MAST3: variants seen among roughly 807,000 people sequenced by gnomAD.
MAST3 encodes the protein microtubule associated serine/threonine kinase 3.
MAST3 carries 43 observed loss-of-function variants against 127.0 expected under a neutral mutation model. That is an observed-to-expected ratio of 0.34 (90% CI 0.27 to 0.44). MAST3 has a LOEUF of 0.44. MAST3 is among the 20% of genes least tolerant of loss of function. The pLI is 1.00. For missense variants in MAST3, 1,390 were observed against 1,919.1 expected (o/e 0.72, Z 5.15); for synonymous variants, 785 against 809.2 (o/e 0.97, Z 0.51).
At position 18,151,258 on chromosome 19, in the gene MAST3, CT is replaced by C. The variant is rs912239188; in HGVS notation, c.*1536del. On this transcript the variant is annotated 3_prime_UTR_variant, in exon 28 of 28. Coordinates refer to ENST00000687212, the MANE Select transcript of MAST3 (RefSeq NM_001393504.1). ...TTAAGCACCTACTGTGTGCCAAGCG[CT>C]TTTACGTGGCTTCTCCCTCAGCCAG... 3 of 152,160 alleles carry C rather than the reference CT, an allele frequency of 2.0e-5. No individual in the cohort carries two copies. Among genetic ancestry groups the C allele is most frequent in the African/African-American group, 7.2e-5 (3 of 41,424 alleles). The allele number at this position is 152,160 out of a possible 1,614,324, so 9.4% of individuals were successfully genotyped here. A position where few individuals can be genotyped will look rare whatever the true frequency, so the allele number is the denominator to read the frequency against.
chr19:18,146,819 G>A (rs1245412920), intron 25 of MAST3, 62 bp from the exon 26 acceptor site: 1 of 1,472,216 alleles, frequency 6.8e-7, no homozygotes, highest in Non-Finnish European at 9.1e-7. Flanking sequence ...CATAGCAGCT[G>A]CCTGGCAAGT....
intron 11 of MAST3, 91 bp from the exon 12 acceptor site, chr19:18,128,308 TG>T: frequency 2.0e-6 from 2 of 1,009,380 alleles, no homozygotes; most frequent in Non-Finnish European, 2.9e-6. Context: ...ATCCCCAGCC[TG>T]GGGTGAGAAC....
chr19:18,132,077 G>T (rs777482317), intron 15 of MAST3, 30 bp downstream of exon 15: 2 of 1,612,236 alleles, frequency 1.2e-6, no homozygotes, highest in Middle Eastern at 3.3e-4. Flanking sequence ...GCGGGGCCTC[G>T]CGGAGGGCGG....
intron 3 of MAST3, among the ~76,000 whole-genome samples, chr19:18,117,329 T>G (rs1367931137): frequency 1.3e-5 from 2 of 152,208 alleles, no homozygotes; most frequent in African/African-American, 4.8e-5. Context: ...CAGTTCAGTT[T>G]TCCTCCAATT....
chr19:18,130,585 C>T lies in MAST3; in HGVS notation c.1315C>T (p.Gln439Ter). 6.2e-7 allele frequency: 1 copy of T among 1,613,594 alleles called. No homozygotes were observed. The highest frequency in any genetic ancestry group is 8.5e-7 in the Non-Finnish European group (1 of 1,179,734). Reference sequence around the variant, plus strand: ...GAACTTGATCCTGCGTAACCAGATCCAGCAGGTCTTTGTGGAGCGTGACAT... The same window carrying T: ...GAACTTGATCCTGCGTAACCAGATCTAGCAGGTCTTTGTGGAGCGTGACAT... ...KQNLILRNQI[Q>*]QVFVERDILT... The change falls in exon 14 of 28, where the codon CAG becomes TAG. Residue 439 changes from glutamine (Q) to a stop codon, truncating the protein, a stop_gained. Transcript: ENST00000687212. LOFTEE classifies it high-confidence loss of function.
chr19:18,128,024 C>A (rs549615146), intron 11 of MAST3, among the ~76,000 whole-genome samples: 1 of 152,172 alleles, frequency 6.6e-6, no homozygotes, highest in Non-Finnish European at 1.5e-5. Flanking sequence ...GGGGCTGCCC[C>A]TCTGCCAAGG....
intron 19 of MAST3, 143 bp downstream of exon 19, chr19:18,137,504 C>A: frequency 1.0e-6 from 1 of 972,012 alleles, no homozygotes; most frequent in Non-Finnish European, 1.5e-6. Context: ...CTGAGCCTTC[C>A]AAGAATCTAG....
chr19:18,133,136 T>C (rs1462936433), intron 15 of MAST3, among the ~76,000 whole-genome samples: 1 of 151,212 alleles, frequency 6.6e-6, no homozygotes, highest in Non-Finnish European at 1.5e-5. Context: ...TTTCAGGGCA[T>C]TTTGCAGTTG....
At chr19:18,115,741 A>G (rs2039146902) in intron 3 of MAST3, among the ~76,000 whole-genome samples, 1 of 152,216 alleles carries the variant, frequency 6.6e-6, no homozygotes, top group Non-Finnish European at 1.5e-5. Context: ...GTCCCCCAGC[A>G]GTCTGCTCCC....
At position 18,124,247 on chromosome 19, in the gene MAST3, A is replaced by G; in HGVS notation, c.844-18A>G. ...GTGCTGAGGACCTGTGGGTGATGCCACGACCCACCTCCCCCAGGCCCATGA... is the reference window on the plus strand; with the variant it reads ...GTGCTGAGGACCTGTGGGTGATGCCGCGACCCACCTCCCCCAGGCCCATGA... On this transcript the variant is annotated intron_variant, in intron 9 of 27. Coordinates refer to ENST00000687212, the MANE Select transcript of MAST3 (RefSeq NM_001393504.1). 5.0e-6 allele frequency: 8 copies of G among 1,597,134 alleles called. No homozygotes were observed. The highest frequency in any genetic ancestry group is 6.8e-6 in the Non-Finnish European group (8 of 1,171,606).
At chr19:18,146,671 G>A (rs537855310) in intron 25 of MAST3, among the ~76,000 whole-genome samples, 2 of 152,260 alleles carry the variant, frequency 1.3e-5, no homozygotes, top group South Asian at 2.1e-4. Context: ...GGCGTTGACC[G>A]CAGAGGGAAG....
intron 15 of MAST3, 130 bp from the exon 16 acceptor site, chr19:18,134,449 G>A (rs1445302816): frequency 1.5e-6 from 2 of 1,295,958 alleles, no homozygotes; most frequent in African/African-American, 1.5e-5. Flanking sequence ...GGCTGAGCAG[G>A]AGGATCGCTA....
At chr19:18,101,766 C>T (rs2037644089) in intron 1 of MAST3, among the ~76,000 whole-genome samples, 1 of 151,950 alleles carries the variant, frequency 6.6e-6, no homozygotes, top group African/African-American at 2.4e-5. Flanking sequence ...TTCTCACAGC[C>T]TCAGCCTCCT....
rs753385385 is a variant in MAST3, at chr19:18,121,671, T to G, written c.162-14T>G. The G allele has an allele frequency of 1.2e-6, 2 of 1,610,590 alleles. No individual in the cohort carries two copies. Among genetic ancestry groups the G allele is most frequent in the East Asian group, 2.2e-5 (1 of 44,856 alleles). On this transcript the variant is annotated splice_polypyrimidine_tract_variant and intron_variant, in intron 3 of 27. Coordinates refer to ENST00000687212, the MANE Select transcript of MAST3 (RefSeq NM_001393504.1). Reference sequence around the variant, plus strand: ...CTGGGCAGCCACCTACCCTGTCCCCTTTTCCCCCCACAGCTGCCGCAGCGG... The same window carrying G: ...CTGGGCAGCCACCTACCCTGTCCCCGTTTCCCCCCACAGCTGCCGCAGCGG...
chr19:18,116,323 G>A (rs987533081), intron 3 of MAST3, among the ~76,000 whole-genome samples: 48 of 148,436 alleles, frequency 3.2e-4, no homozygotes, highest in Admixed American at 1.1e-3. Context: ...ACAGAGTTTC[G>A]CTCTTGTTGC....
chr19:18,118,047 C>A (rs2039500720), intron 3 of MAST3: 2 of 951,578 alleles, frequency 2.1e-6, no homozygotes, highest in Non-Finnish European at 2.5e-6. Context: ...GCCCCCCCAT[C>A]CCCGCAGCCC....
At chr19:18,098,004 A>C (rs2037133304) in intron 1 of MAST3, among the ~76,000 whole-genome samples, 173 bp downstream of exon 1, 1 of 152,052 alleles carries the variant, frequency 6.6e-6, no homozygotes, top group Non-Finnish European at 1.5e-5. Flanking sequence ...GCTTTTTCTC[A>C]TGGTGGGAAG....
chr19:18,141,748 G>T, intron 20 of MAST3, 134 bp from the exon 21 acceptor site: 1 of 594,096 alleles, frequency 1.7e-6, no homozygotes, highest in Admixed American at 4.4e-5. Context: ...TTGAGACAGG[G>T]TTTTGCTATG....
chr19:18,145,100 C>G lies in MAST3; in HGVS notation c.2910C>G (p.Ser970=). The part of the protein sequence containing the change: ...SRDSSPSRDP[S]PVCGSLRPPI... ...ACTCTTCGCCGAGCCGAGACCCGTC[C>G]CCCGTGTGTGGCAGCCTGCGGCCCC... The change falls in exon 24 of 28, where the codon TCC becomes TCG. Residue 970 remains serine (S), a synonymous_variant. Transcript: ENST00000687212. The surrounding 1 kb of genome is among the most constrained non-coding windows in gnomAD (Gnocchi z 5.9). The G allele has an allele frequency of 6.2e-7, 1 of 1,613,740 alleles. No individual in the cohort carries two copies.
Sources: gnomAD v4.1 joint callset for allele counts (sites outside exome capture counted in the v4.1 genomes callset) on GRCh38, gnomAD v4.1.1 for gene constraint, Gnocchi (gnomAD v3.1) non-coding constraint, MANE v1.5 for transcripts, NCBI Gene and HGNC (gene_info 2026-07-23, HGNC 2026-07-21) for gene names.